Variants in MACF1 observed in about 807,000 individuals in gnomAD.
The protein encoded by MACF1 is microtubule actin crosslinking factor 1, also known as microtubule-actin cross-linking factor 1.
Under a neutral mutation model 854.8 loss-of-function variants are expected in MACF1, and 193 were observed. The observed-to-expected ratio is 0.23, with a 90% CI of 0.20 to 0.25. The LOEUF is 0.25. MACF1 is among the 10% of genes least tolerant of loss of function. The pLI is 1.00. For missense variants in MACF1, 7,722 were observed against 8,929.1 expected, an observed-to-expected ratio of 0.86 and a Z score of 5.45; for synonymous variants, 3,185 against 3,226.7, an observed-to-expected ratio of 0.99 and a Z score of 0.44.
At chr1:39,339,359 G>A (rs375119869) in intron 38 of MACF1, among the ~76,000 whole-genome samples, 12 of 152,322 alleles carry the variant, frequency 7.9e-5, no homozygotes, top group African/African-American at 2.9e-4. Context: ...GGAGATCTCT[G>A]AAGAAGACCT....
At position 39,160,620 on chromosome 1, in the gene MACF1, C is replaced by G. The variant is rs143263635; in HGVS notation, c.221-70562C>G. The stretch of plus-strand genomic sequence containing the variant: ...GATCAGATTTAAACTCTTCTTTGCT[C>G]CTGCAACCTGAGTCTTTTTCAGGTG... On this transcript the variant is annotated intron_variant, in intron 2 of 93. Transcript: ENST00000361689. Among the ~76,000 whole-genome samples, 1,460 of 152,300 alleles carry G rather than the reference C, an allele frequency of 9.6e-3. 24 individuals are homozygous for G. Among genetic ancestry groups the G allele is most frequent in the African/African-American group, 0.033 (1,388 of 41,546 alleles).
chr1:39,296,565 A>C (rs2148407050), intron 20 of MACF1, among the ~76,000 whole-genome samples: 1 of 151,760 alleles, frequency 6.6e-6, no homozygotes, highest in Middle Eastern at 3.4e-3. Flanking sequence ...CCCCTTCTCT[A>C]TTAAAAATAC....
At chr1:39,459,402 G>A (rs1644505521) in intron 91 of MACF1, among the ~76,000 whole-genome samples, 153 bp downstream of exon 91, 1 of 152,102 alleles carries the variant, frequency 6.6e-6, no homozygotes, top group Non-Finnish European at 1.5e-5. Flanking sequence ...CATTCTTTGA[G>A]GCCCCTGAAT....
At chr1:39,458,149 G>A (rs768415171) in intron 89 of MACF1, 19 of 495,156 alleles carry the variant, frequency 3.8e-5, no homozygotes, top group South Asian at 1.2e-4. Context: ...ATCACATCCC[G>A]TTAGACCCCA....
intron 2 of MACF1, among the ~76,000 whole-genome samples, chr1:39,238,413 T>A (rs1312348312): frequency 6.6e-6 from 1 of 152,222 alleles, no homozygotes; most frequent in Non-Finnish European, 1.5e-5. Context: ...CACCCCTTCC[T>A]GAGCTCCCCA....
rs776261030 is a variant in MACF1, at chr1:39,322,697, A to G, written c.4119A>G (p.Ser1373=). The part of the protein sequence containing the change: ...PGKRRRMLSS[S]DAITQEFMDL... ...AGCGCCGTCGCATGCTTTCCTCTTC[A>G]GATGCCATCACTCAAGAGGTGAGAG... The change falls in exon 32 of 101, where the codon TCA becomes TCG. Residue 1373 remains serine, a synonymous_variant. Coordinates refer to ENST00000564288, the MANE Select transcript of MACF1 (RefSeq NM_001394062.1). 2 of 1,614,088 alleles carry G rather than the reference A, an allele frequency of 1.2e-6. No homozygotes were observed. Among genetic ancestry groups the G allele is most frequent in the South Asian group, 2.2e-5 (2 of 91,082 alleles).
intron 2 of MACF1, among the ~76,000 whole-genome samples, chr1:39,159,847 G>C (rs1356278576): frequency 6.6e-6 from 1 of 152,150 alleles, no homozygotes; most frequent in African/African-American, 2.4e-5. Flanking sequence ...AGGGGGTAGA[G>C]GGAGGAAAGG....
intron 23 of MACF1, among the ~76,000 whole-genome samples, chr1:39,307,166 T>C (rs1316586001): frequency 2.0e-5 from 3 of 152,020 alleles, no homozygotes; most frequent in Admixed American, 1.3e-4. Context: ...TGAGCCACCA[T>C]GCCCGCCTGG....
Position 39,453,637 on chromosome 1 carries a change from C to A in MACF1, c.20743-70C>A. On this transcript the variant is annotated intron_variant, in intron 87 of 100. Transcript: ENST00000564288. The stretch of plus-strand genomic sequence containing the variant: ...AAGAAAACATTGAAATTTATCCCCC[C>A]TCAGTGTAAACTAACAGTGCTGCTA... 2.2e-6 allele frequency: 3 copies of A among 1,344,272 alleles called. No individual in the cohort carries two copies. The Middle Eastern group carries it at 5.6e-4, about 253-fold the overall frequency. 83.3% of individuals were successfully genotyped at this position (1,344,272 alleles called of 1,614,324 possible).
At chr1:39,095,244 G>A (rs184907952) in intron 2 of MACF1, among the ~76,000 whole-genome samples, 3 of 152,170 alleles carry the variant, frequency 2.0e-5, no homozygotes, top group African/African-American at 7.2e-5. Flanking sequence ...CCTGAAATAG[G>A]GGTCTCATGA....
intron 56 of MACF1, among the ~76,000 whole-genome samples, chr1:39,384,325 C>T (rs147657345): frequency 1.3e-5 from 2 of 152,264 alleles, no homozygotes. Flanking sequence ...TCATTGTTTA[C>T]ACATTTGTCA....
intron 2 of MACF1, among the ~76,000 whole-genome samples, chr1:39,162,969 A>T (rs1156514199): frequency 6.6e-6 from 1 of 152,210 alleles, no homozygotes; most frequent in African/African-American, 2.4e-5. Flanking sequence ...TTAAAAAAAT[A>T]TTCTAACAAT....
chr1:39,240,727 G>A (rs905268469), intron 2 of MACF1, among the ~76,000 whole-genome samples: 1 of 152,170 alleles, frequency 6.6e-6, no homozygotes, highest in African/African-American at 2.4e-5. Flanking sequence ...TCGAACTTCT[G>A]ATCTCAGGTG....
At chr1:39,120,299 C>G (rs1642666326) in intron 2 of MACF1, among the ~76,000 whole-genome samples, 2 of 152,162 alleles carry the variant, frequency 1.3e-5, no homozygotes, top group Admixed American at 6.5e-5. Flanking sequence ...TATAATTCTA[C>G]TTCACCTGAC....
intron 94 of MACF1, 140 bp from the exon 95 acceptor site, chr1:39,464,955 T>G: frequency 1.3e-6 from 1 of 765,608 alleles, no homozygotes; most frequent in Non-Finnish European, 2.2e-6. Flanking sequence ...GGCAGGAGCT[T>G]GGTAAGAATA....
intron 6 of MACF1, among the ~76,000 whole-genome samples, chr1:39,269,987 C>T (rs1362717424): frequency 3.3e-5 from 5 of 152,194 alleles, no homozygotes; most frequent in Non-Finnish European, 7.3e-5. Flanking sequence ...GATGATCTCT[C>T]AAGGTGCAAT....
In MACF1 at chr1:39,382,098, G is replaced by A; in HGVS notation, c.13794G>A (p.Leu4598=). 6.2e-7 allele frequency: 1 copy of A among 1,614,036 alleles called. No individual in the cohort carries two copies. The highest frequency in any genetic ancestry group is 8.5e-7 in the Non-Finnish European group (1 of 1,180,012). ...AGAAAGAACTGATGATGGGAGTGCT[G>A]GGGCCCCTGTCTATTGACCCCAACA... ...LMEKELMMGV[L]GPLSIDPNML... is the part of the protein sequence containing the mutation. Residue 4598 remains leucine, a synonymous_variant, in exon 56 of 101, where the codon CTG becomes CTA. Coordinates refer to ENST00000564288, the MANE Select transcript of MACF1 (RefSeq NM_001394062.1).
Position 39,428,096 on chromosome 1 carries a change from T to C in MACF1, c.16612T>C (p.Tyr5538His), listed in dbSNP as rs369581844. 3 of 1,614,094 alleles carry C rather than the reference T, an allele frequency of 1.9e-6. No homozygotes were observed. The highest frequency in any genetic ancestry group is 2.7e-5 in the African/African-American group (2 of 74,930). Residue 5538 changes from tyrosine to histidine, a missense_variant, in exon 63 of 101, where the codon TAC becomes CAC. By Grantham distance (83) the Tyr-to-His change is moderately conservative. This residue lies in a region of MACF1 where 2,807 missense variants were observed against 3,235.8 expected (regional missense o/e 0.87). Transcript: ENST00000564288. The part of the protein sequence containing the change: ...SEKIDSLQAR[Y>H]SEIQDRCCRK... ...AAAGATAGACTCATTGCAGGCCCGATACAGTGAAATTCAAGACCGCTGTTG... is the reference window on the plus strand; with the variant it reads ...AAAGATAGACTCATTGCAGGCCCGACACAGTGAAATTCAAGACCGCTGTTG...
intron 89 of MACF1, among the ~76,000 whole-genome samples, chr1:39,456,461 G>A (rs925109553): frequency 7.2e-5 from 11 of 152,198 alleles, no homozygotes. Context: ...AACGTGTTTT[G>A]AGCATGTTTA....
Sources: gnomAD v4.1 joint callset for allele counts (sites outside exome capture counted in the v4.1 genomes callset) on GRCh38, gnomAD v4.1.1 for gene constraint, gnomAD v4.1.1 regional missense constraint, MANE v1.5 for transcripts, NCBI Gene and HGNC (gene_info 2026-07-23, HGNC 2026-07-21) for gene names.